EFNA5: variants seen among roughly 807,000 people sequenced by gnomAD.
The protein encoded by EFNA5 is ephrin-A5.
EFNA5 carries 5 observed loss-of-function variants against 22.9 expected under a neutral mutation model. That is an observed-to-expected ratio of 0.22 (90% CI 0.11 to 0.46). EFNA5 has a LOEUF of 0.46. Ranked by LOEUF, EFNA5 falls within the 20% of genes least tolerant of loss-of-function variation. The probability of loss-of-function intolerance (pLI) is 0.99; values close to 1 mark genes in which losing one functional copy is unlikely to be tolerated. For missense variants in EFNA5, 237 were observed against 293.3 expected, an observed-to-expected ratio of 0.81 and a Z score of 1.40; for synonymous variants, 113 against 112.2, an observed-to-expected ratio of 1.01 and a Z score of -0.04.
At chr5:107,496,479 T>C (rs1235501881) in intron 1 of EFNA5, among the ~76,000 whole-genome samples, 1 of 152,110 alleles carries the variant, frequency 6.6e-6, no homozygotes, top group Admixed American at 6.6e-5. Context: ...TGTGTTTCCA[T>C]AGAGGATGAG....
intron 1 of EFNA5, among the ~76,000 whole-genome samples, chr5:107,577,728 C>G (rs1377450121): frequency 6.6e-6 from 1 of 152,164 alleles, no homozygotes; most frequent in Non-Finnish European, 1.5e-5. Context: ...GTTGGGGGAG[C>G]CTCACCATCG....
chr5:107,410,195 T>C (rs543711190), intron 2 of EFNA5, among the ~76,000 whole-genome samples: 1 of 151,876 alleles, frequency 6.6e-6, no homozygotes, highest in Non-Finnish European at 1.5e-5. Context: ...ACCCGGCTAA[T>C]TTCTTTTTGT....
chr5:107,476,723 T>G (rs1465080216), intron 1 of EFNA5, among the ~76,000 whole-genome samples: 1 of 127,772 alleles, frequency 7.8e-6, no homozygotes, highest in Non-Finnish European at 1.6e-5. Context: ...TTAAAATGTT[T>G]ATTTTTTCTC....
At chr5:107,588,728 C>A (rs1749247960) in intron 1 of EFNA5, among the ~76,000 whole-genome samples, 1 of 151,972 alleles carries the variant, frequency 6.6e-6, no homozygotes, top group Non-Finnish European at 1.5e-5. Context: ...GAGACAAAGG[C>A]TAAGGGGAAA....
chr5:107,525,641 T>C (rs1282431129), intron 1 of EFNA5, among the ~76,000 whole-genome samples: 3 of 152,194 alleles, frequency 2.0e-5, no homozygotes, highest in Non-Finnish European at 4.4e-5. Context: ...ATATGTTTAC[T>C]ATTCATTAAG....
chr5:107,549,026 T>C (rs546155630), intron 1 of EFNA5, among the ~76,000 whole-genome samples: 1 of 152,302 alleles, frequency 6.6e-6, no homozygotes, highest in South Asian at 2.1e-4. Context: ...TACCCAATAG[T>C]TTTTCCAGAA....
At chr5:107,518,751 C>A (rs974484216) in intron 1 of EFNA5, among the ~76,000 whole-genome samples, 1 of 152,134 alleles carries the variant, frequency 6.6e-6, no homozygotes, top group African/African-American at 2.4e-5. Context: ...CTAGTTCCTA[C>A]AACGTATGGC....
chr5:107,643,883 A>G (rs973691795), intron 1 of EFNA5, among the ~76,000 whole-genome samples: 3 of 151,376 alleles, frequency 2.0e-5, no homozygotes, highest in African/African-American at 7.3e-5. Flanking sequence ...AATAATAATA[A>G]TAATAATAAT....
At chr5:107,588,579 G>A (rs1691806002) in intron 1 of EFNA5, among the ~76,000 whole-genome samples, 1 of 152,162 alleles carries the variant, frequency 6.6e-6, no homozygotes, top group South Asian at 2.1e-4. Context: ...AAATGACTTG[G>A]GAAAGATAAC....
At chr5:107,531,568 C>T (rs1021328444) in intron 1 of EFNA5, among the ~76,000 whole-genome samples, 2 of 152,072 alleles carry the variant, frequency 1.3e-5, no homozygotes, top group Non-Finnish European at 2.9e-5. Context: ...AGGAGGAGGA[C>T]GAAGAGGTAA....
In EFNA5 at chr5:107,430,862, C is replaced by T. The variant is rs530271404; in HGVS notation, c.126-3353G>A. On this transcript the variant is annotated intron_variant, in intron 1 of 4. Transcript: ENST00000333274. Reference sequence around the variant, plus strand: ...TGTGATCTCGGCTCACTGCAACCTCCGCCTCCTTAATTCAAGCAATTCCCC... The same window carrying T: ...TGTGATCTCGGCTCACTGCAACCTCTGCCTCCTTAATTCAAGCAATTCCCC... Among the ~76,000 whole-genome samples, 156 of 145,400 alleles carry T rather than the reference C, an allele frequency of 1.1e-3. 1 individual carries two copies. The South Asian group carries it at 0.012, about 11-fold the overall frequency.
chr5:107,562,330 C>T lies in EFNA5; in HGVS notation c.125+108159G>A, dbSNP rs1748566406. The stretch of plus-strand genomic sequence containing the variant: ...ATCATTCTACCTAGCTCTTTCCTCC[C>T]CTCCGCCCATCGTCTGTCTCTCTCT... On this transcript the variant is annotated intron_variant, in intron 1 of 4. Coordinates refer to ENST00000333274, the MANE Select transcript of EFNA5 (RefSeq NM_001962.3). Among the ~76,000 whole-genome samples the T allele has an allele frequency of 5.9e-5, 9 of 152,126 alleles. No individual in the cohort carries two copies. In the South Asian group the frequency reaches 1.9e-3, roughly 32 times the overall value.
intron 1 of EFNA5, among the ~76,000 whole-genome samples, chr5:107,449,398 T>C (rs927371466): frequency 1.3e-5 from 2 of 152,008 alleles, no homozygotes; most frequent in African/African-American, 4.8e-5. Flanking sequence ...ATTCTACTCT[T>C]CCCTGATGGT....
chr5:107,482,515 T>A (rs559635083), intron 1 of EFNA5, among the ~76,000 whole-genome samples: 70 of 152,260 alleles, frequency 4.6e-4, no homozygotes, highest in Non-Finnish European at 7.2e-4. Flanking sequence ...TATTCTCAGA[T>A]AAGACCCAGA....
At chr5:107,526,860 T>C (rs1022153542) in intron 1 of EFNA5, among the ~76,000 whole-genome samples, 1 of 152,132 alleles carries the variant, frequency 6.6e-6, no homozygotes, top group African/African-American at 2.4e-5. Context: ...GCCAGGAAAA[T>C]ATTATAAAAC....
intron 1 of EFNA5, among the ~76,000 whole-genome samples, chr5:107,466,433 C>T (rs998946803): frequency 2.6e-5 from 4 of 152,104 alleles, no homozygotes; most frequent in Non-Finnish European, 5.9e-5. Context: ...CCCAGACTCC[C>T]TTCTCCACTC....
chr5:107,459,388 A>G (rs1749778049), intron 1 of EFNA5, among the ~76,000 whole-genome samples: 1 of 152,018 alleles, frequency 6.6e-6, no homozygotes. Context: ...AAAAAAAAAA[A>G]AAGAAATGTA....
chr5:107,511,112 T>C (rs950868421), intron 1 of EFNA5, among the ~76,000 whole-genome samples: 3 of 151,478 alleles, frequency 2.0e-5, no homozygotes, highest in African/African-American at 7.3e-5. Flanking sequence ...CTGCAACCTC[T>C]GCCTCCCAGG....
At position 107,522,845 on chromosome 5, in the gene EFNA5, A is replaced by G. The variant is rs187151173; in HGVS notation, c.126-95336T>C. ...TATATTTTTTATTCAAACTCATCACACTCTCTAATTCTTTTGTTTATTCAG... is the reference window on the plus strand; with the variant it reads ...TATATTTTTTATTCAAACTCATCACGCTCTCTAATTCTTTTGTTTATTCAG... On this transcript the variant is annotated intron_variant, in intron 1 of 4. Transcript: ENST00000333274. Among the ~76,000 whole-genome samples the G allele has an allele frequency of 2.6e-5, 4 of 151,858 alleles. No individual in the cohort carries two copies. The East Asian group carries it at 7.8e-4, about 29-fold the overall frequency.
Sources: allele counts gnomAD v4.1 joint callset (sites outside exome capture counted in the v4.1 genomes callset), GRCh38; gene constraint gnomAD v4.1.1; transcripts MANE v1.5; gene names NCBI Gene and HGNC (gene_info 2026-07-23, HGNC 2026-07-21).